The following BAZ1A variants were observed in gnomAD, a reference collection of about 807,000 sequenced individuals.
BAZ1A encodes the protein bromodomain adjacent to zinc finger domain 1A.
A neutral mutation model predicts 185.2 loss-of-function variants in BAZ1A; 50 were observed. The ratio of observed to expected loss-of-function variants is 0.27; its 90% CI spans 0.22 to 0.34. The LOEUF is 0.34. Among genes scored for constraint, BAZ1A ranks in the 10% least tolerant of loss-of-function variants. BAZ1A has a pLI of 1.00. For synonymous variants in BAZ1A, 571 were observed against 615.6 expected (o/e 0.93, Z 1.07); for missense variants, 1,356 against 1,839.9 (o/e 0.74, Z 4.81).
At chr14:34,797,896 CAG>C (rs569237428) in intron 9 of BAZ1A, among the ~76,000 whole-genome samples, 101 of 152,374 alleles carry the variant, frequency 6.6e-4, no homozygotes, top group African/African-American at 2.2e-3. Flanking sequence ...TGCAAGGGGT[CAG>C]GGGATTTTCC....
intron 9 of BAZ1A, 116 bp downstream of exon 9, chr14:34,800,108 A>G (rs145170568): frequency 2.9e-6 from 3 of 1,044,032 alleles, no homozygotes; most frequent in African/African-American, 1.7e-5. Flanking sequence ...CTTTCTATGC[A>G]CATTCATAAA....
chr14:34,870,307 A>G (rs956533668), intron 2 of BAZ1A, among the ~76,000 whole-genome samples: 4 of 152,234 alleles, frequency 2.6e-5, no homozygotes, highest in Non-Finnish European at 5.9e-5. Context: ...GGATCCAAGT[A>G]TCAGGACAAT....
At chr14:34,778,945 C>G (rs1441883637) in intron 17 of BAZ1A, among the ~76,000 whole-genome samples, 1 of 152,156 alleles carries the variant, frequency 6.6e-6, no homozygotes, top group Non-Finnish European at 1.5e-5. Context: ...GCCTTGATCT[C>G]CCAGGCTCAA....
At chr14:34,754,417 CAA>C (rs111245900) in intron 26 of BAZ1A, among the ~76,000 whole-genome samples, 5 of 104,870 alleles carry the variant, frequency 4.8e-5, no homozygotes, top group Non-Finnish European at 3.9e-5. Flanking sequence ...AGACGTATCT[CAA>C]AAAAAAAAAA....
chr14:34,864,278 G>A (rs1355612544), intron 2 of BAZ1A, among the ~76,000 whole-genome samples: 2 of 151,916 alleles, frequency 1.3e-5, no homozygotes, highest in Non-Finnish European at 2.9e-5. Context: ...CAAGCAGCTG[G>A]GACTACAGGT....
Position 34,843,980 on chromosome 14 carries a change from C to T in BAZ1A, c.393-17824G>A, listed in dbSNP as rs576562008. On this transcript the variant is annotated intron_variant, in intron 3 of 26. Coordinates refer to ENST00000360310, the MANE Select transcript of BAZ1A (RefSeq NM_013448.3). ...CAGCACTTTGGGAGGCCGAGGCGGGCGGATCACGAGGTCAGGAGATCGAGA... is the reference window on the plus strand; with the variant it reads ...CAGCACTTTGGGAGGCCGAGGCGGGTGGATCACGAGGTCAGGAGATCGAGA... Among the ~76,000 whole-genome samples the T allele has an allele frequency of 6.6e-5, 10 of 150,960 alleles. No homozygotes were observed. In the South Asian group the frequency reaches 1.5e-3, roughly 22 times the overall value.
At position 34,774,336 on chromosome 14, in the gene BAZ1A, T is replaced by C; in HGVS notation, c.2988A>G (p.Gly996=). ...IEDRIYQGTL[G]AIKVTDRHIW... Reference sequence around the variant, plus strand: ...GGGAACAAGTACAAACCTTGATGGCTCCTAATGTTCCTTGGTAGATTCTAT... The same window carrying C: ...GGGAACAAGTACAAACCTTGATGGCCCCTAATGTTCCTTGGTAGATTCTAT... The change falls in exon 19 of 27, where the codon GGA becomes GGG. Residue 996 remains glycine, a synonymous_variant. Coordinates refer to ENST00000360310, the MANE Select transcript of BAZ1A (RefSeq NM_013448.3). The C allele has an allele frequency of 6.2e-7, 1 of 1,609,140 alleles. No individual in the cohort carries two copies. The highest frequency in any genetic ancestry group is 8.5e-7 in the Non-Finnish European group (1 of 1,178,746).
At chr14:34,832,063 G>A (rs1048405295) in intron 3 of BAZ1A, among the ~76,000 whole-genome samples, 24 of 151,514 alleles carry the variant, frequency 1.6e-4, no homozygotes, top group African/African-American at 4.8e-4. Context: ...GCATAGTGGT[G>A]TGCACTTGCA....
At chr14:34,780,584 A>C (rs1879971855) in intron 16 of BAZ1A, among the ~76,000 whole-genome samples, 2 of 152,210 alleles carry the variant, frequency 1.3e-5, no homozygotes, top group African/African-American at 4.8e-5. Context: ...GGCTTGAAGA[A>C]GTGATATTTT....
intron 14 of BAZ1A, 88 bp downstream of exon 14, chr14:34,785,689 T>C: frequency 2.8e-6 from 3 of 1,065,060 alleles, no homozygotes; most frequent in Admixed American, 4.3e-5. Flanking sequence ...ACTGATTTAT[T>C]GTAAAATTTC....
At chr14:34,847,765 T>C (rs1480434831) in intron 3 of BAZ1A, among the ~76,000 whole-genome samples, 1 of 152,204 alleles carries the variant, frequency 6.6e-6, no homozygotes, top group Admixed American at 6.5e-5. Context: ...AGGCTAGCAA[T>C]ATAAAAGTAC....
At chr14:34,810,115 G>A (rs539143064) in intron 5 of BAZ1A, among the ~76,000 whole-genome samples, 83 of 152,008 alleles carry the variant, frequency 5.5e-4, no homozygotes, top group Middle Eastern at 6.8e-3. Context: ...CTTTCGTTTG[G>A]ATACATGAAT....
chr14:34,865,067 C>A (rs1179593983), intron 2 of BAZ1A, among the ~76,000 whole-genome samples: 1 of 152,072 alleles, frequency 6.6e-6, no homozygotes, highest in African/African-American at 2.4e-5. Flanking sequence ...TGAGCCACCA[C>A]GCCCAGCCAA....
At chr14:34,871,447 GA>G (rs1158067428) in intron 2 of BAZ1A, among the ~76,000 whole-genome samples, 1 of 152,214 alleles carries the variant, frequency 6.6e-6, no homozygotes, top group Non-Finnish European at 1.5e-5. Context: ...CTTTACCTAT[GA>G]AAAAGCAGGT....
At chr14:34,773,090 A>G (rs1025015082) in intron 20 of BAZ1A, among the ~76,000 whole-genome samples, 1 of 152,104 alleles carries the variant, frequency 6.6e-6, no homozygotes, top group Admixed American at 6.6e-5. Flanking sequence ...AATTAAAAAA[A>G]AGAGAGACAG....
intron 24 of BAZ1A, among the ~76,000 whole-genome samples, chr14:34,759,212 G>A (rs895877785): frequency 2.5e-3 from 178 of 70,724 alleles, no homozygotes; most frequent in African/African-American, 0.01. Context: ...ATGGAGTCTC[G>A]CTCTGTCACC....
At chr14:34,851,611 C>T (rs1208202146) in intron 3 of BAZ1A, among the ~76,000 whole-genome samples, 38 of 151,878 alleles carry the variant, frequency 2.5e-4, no homozygotes, top group Admixed American at 2.5e-3. Flanking sequence ...TTCCAGTTCA[C>T]CATTCTTCCA....
Position 34,832,215 on chromosome 14 carries a change from C to CACACACACACACACACACACATATATAT in BAZ1A, c.393-6060_393-6059insATATATATGTGTGTGTGTGTGTGTGTGT. Among the ~76,000 whole-genome samples the CACACACACACACACACACACATATATAT allele has an allele frequency of 3.2e-3, 290 of 89,654 alleles. 5 individuals carry two copies. The highest frequency in any genetic ancestry group is 0.011 in the Middle Eastern group (2 of 174). The allele number at this position is 89,654 out of a possible 152,430, so 58.8% of individuals were successfully genotyped here. On this transcript the variant is annotated intron_variant, in intron 3 of 26. Coordinates refer to ENST00000360310, the MANE Select transcript of BAZ1A (RefSeq NM_013448.3). ...ATACACACACACACACACACACACACATATATATATATATATGTATGTATG... is the reference window on the plus strand; with the variant it reads ...ATACACACACACACACACACACACACACACACACACACACACACACATATATATATATATATATATATATGTATGTATG...
In BAZ1A at chr14:34,803,398, A is replaced by G. The variant is rs1881679034; in HGVS notation, c.727-410T>C. On this transcript the variant is annotated intron_variant, in intron 6 of 26. Transcript: ENST00000360310. ...ATCTCAGGAAAAAAAAAAAAAAAAAAGATAAGGATAAAAACATTAGAATTT... is the reference window on the plus strand; with the variant it reads ...ATCTCAGGAAAAAAAAAAAAAAAAAGGATAAGGATAAAAACATTAGAATTT... Among the ~76,000 whole-genome samples, 7 of 150,954 alleles carry G rather than the reference A, an allele frequency of 4.6e-5. No homozygotes were observed. The South Asian group carries it at 1.5e-3, about 32-fold the overall frequency.
Sources: allele counts gnomAD v4.1 joint callset (sites outside exome capture counted in the v4.1 genomes callset), GRCh38; gene constraint gnomAD v4.1.1; transcripts MANE v1.5; gene names NCBI Gene and HGNC (gene_info 2026-07-23, HGNC 2026-07-21).